CREBBP: variants seen among roughly 807,000 people sequenced by gnomAD.
CREBBP encodes CREB binding lysine acetyltransferase, also known as CREB-binding protein.
In CREBBP, 19 loss-of-function variants were observed where a neutral mutation model predicts 265.0. The ratio of observed to expected loss-of-function variants is 0.07; its 90% CI spans 0.05 to 0.11. CREBBP has a LOEUF of 0.11. Among genes scored for constraint, CREBBP ranks in the 10% least tolerant of loss-of-function variants. The pLI is 1.00. For missense variants in CREBBP, 2,525 were observed against 3,219.0 expected (o/e 0.78, Z 5.22); for synonymous variants, 1,457 against 1,223.7 (o/e 1.19, Z -3.98).
At chr16:3,788,713 A>C (rs2053442810) in intron 5 of CREBBP, among the ~76,000 whole-genome samples, 1 of 152,228 alleles carries the variant, frequency 6.6e-6, no homozygotes, top group South Asian at 2.1e-4. Context: ...GACTTTTGGG[A>C]GGTCAAGGTG....
chr16:3,738,445 A>G, intron 26 of CREBBP, 114 bp downstream of exon 26: 1 of 740,594 alleles, frequency 1.4e-6, no homozygotes, highest in East Asian at 2.7e-5. Context: ...AATTGATCTT[A>G]GGATGGAAAA....
intron 8 of CREBBP, 62 bp from the exon 9 acceptor site, chr16:3,778,879 G>T (rs1001970009): frequency 1.3e-6 from 2 of 1,488,838 alleles, no homozygotes; most frequent in Admixed American, 1.7e-5. Flanking sequence ...AAAGACATGG[G>T]GTTTCGTCCA....
At position 3,850,372 on chromosome 16, in the gene CREBBP, C is replaced by A; in HGVS notation, c.723G>T (p.Glu241Asp). 1 of 1,614,252 alleles carries A rather than the reference C, an allele frequency of 6.2e-7. No homozygotes were observed. The highest frequency in any genetic ancestry group is 1.1e-5 in the South Asian group (1 of 91,090). ...MQGASSSVLA[E>D]TLTQVSPQMT... ...TTTGCGGGGAAACCTGCGTTAGGGT[C>A]TCAGCCAGCACGCTGCTCGAGGCGC... Residue 241 changes from glutamate (E) to aspartate (D), a missense_variant, in exon 2 of 31, where the codon GAG (glutamate) becomes GAT (aspartate). Around this residue, in one of 19 missense-constraint regions of CREBBP, gnomAD observed 356 missense variants for 340.4 expected, o/e 1.05. Transcript: ENST00000262367.
At chr16:3,794,653 A>C (rs577745793) in intron 3 of CREBBP, among the ~76,000 whole-genome samples, 5 of 152,232 alleles carry the variant, frequency 3.3e-5, no homozygotes, top group Non-Finnish European at 5.9e-5. Flanking sequence ...AAAATACAGA[A>C]AGGGTTTGCT....
chr16:3,797,090 G>C lies in CREBBP; in HGVS notation c.976-3464C>G, dbSNP rs185078331. Among the ~76,000 whole-genome samples the C allele has an allele frequency of 1.4e-4, 21 of 152,262 alleles. No individual in the cohort carries two copies. In the East Asian group the frequency reaches 4.1e-3, roughly 29 times the overall value. On this transcript the variant is annotated intron_variant, in intron 3 of 30. Transcript: ENST00000262367. The stretch of plus-strand genomic sequence containing the variant: ...CCAAATCTGTCAGAAGCATCCTTCA[G>C]ACTTTCCCAACCTCCCTGCCCAGTT...
At chr16:3,809,522 C>G (rs887777472) in intron 3 of CREBBP, among the ~76,000 whole-genome samples, 1 of 152,140 alleles carries the variant, frequency 6.6e-6, no homozygotes, top group Admixed American at 6.5e-5. Context: ...GGAGCCAGCA[C>G]CTGACAGGAC....
chr16:3,736,028 G>T lies in CREBBP; in HGVS notation c.4728+8C>A, dbSNP rs201679455. 1.2e-6 allele frequency: 2 copies of T among 1,614,198 alleles called. No individual in the cohort carries two copies. The highest frequency in any genetic ancestry group is 1.6e-4 in the Middle Eastern group (1 of 6,062). ...CGTGGGCAATGGAGCTCAGAGAAGG[G>T]TCTGTACCTCAGTGGTTTCACTGGC... On this transcript the variant is annotated splice_region_variant and intron_variant, in intron 28 of 30. Coordinates refer to ENST00000262367, the MANE Select transcript of CREBBP (RefSeq NM_004380.3).
At chr16:3,807,561 A>G (rs1440886497) in intron 3 of CREBBP, among the ~76,000 whole-genome samples, 3 of 152,240 alleles carry the variant, frequency 2.0e-5, no homozygotes, top group African/African-American at 7.2e-5. Context: ...CAAACTGTGT[A>G]AGCACGGGCT....
intron 5 of CREBBP, among the ~76,000 whole-genome samples, chr16:3,790,614 T>C (rs1391242749): frequency 6.6e-6 from 1 of 152,016 alleles, no homozygotes; most frequent in Non-Finnish European, 1.5e-5. Flanking sequence ...CCTCCCAAAG[T>C]GTTGGGATTA....
intron 2 of CREBBP, among the ~76,000 whole-genome samples, chr16:3,811,790 G>A (rs2053942903): frequency 1.3e-5 from 2 of 152,190 alleles, no homozygotes; most frequent in East Asian, 1.9e-4. Context: ...CACCGTGCCC[G>A]GCCCCTTACG....
intron 3 of CREBBP, among the ~76,000 whole-genome samples, chr16:3,800,525 T>C (rs1005587427): frequency 6.6e-6 from 1 of 152,090 alleles, no homozygotes; most frequent in African/African-American, 2.4e-5. Flanking sequence ...AAAATTAACA[T>C]ATATGTGCCT....
At chr16:3,879,786 G>A (rs752635245) in intron 1 of CREBBP, 46 bp downstream of exon 1, 7 of 1,539,494 alleles carry the variant, frequency 4.5e-6, no homozygotes, top group African/African-American at 4.1e-5. Flanking sequence ...TCAGGTGGGG[G>A]TGACAGCGCG....
At chr16:3,830,189 G>A (rs146878082) in intron 2 of CREBBP, among the ~76,000 whole-genome samples, 1 of 152,134 alleles carries the variant, frequency 6.6e-6, no homozygotes, top group Non-Finnish European at 1.5e-5. Flanking sequence ...TTGAGCTCAG[G>A]AGTTTGAGAC....
rs755512058 is a variant in CREBBP at position 3,729,020 on chromosome 16, G to A, written c.6027C>T (p.Ser2009=). Reference sequence around the variant, plus strand: ...GAGGCATGCTGGGCATGACGGGCCCGCTCACCTGGTTGGGTCGGGGCACAT... The same window carrying A: ...GAGGCATGCTGGGCATGACGGGCCCACTCACCTGGTTGGGTCGGGGCACAT... ...SLNVPRPNQV[S]GPVMPSMPPG... is the part of the protein sequence containing the mutation. Residue 2009 remains serine (S), a synonymous_variant, in exon 31 of 31, where the codon AGC becomes AGT. Transcript: ENST00000262367. 35 of 1,591,014 alleles carry A rather than the reference G, an allele frequency of 2.2e-5. 1 individual carries two copies. The South Asian group carries it at 2.7e-4, about 12-fold the overall frequency.
rs2151340056 is a variant in CREBBP, at chr16:3,740,426, A to G, written c.4106T>C (p.Val1369Ala). The change falls in exon 24 of 31, where the codon GTG becomes GCG. Residue 1369 changes from valine (V) to alanine (A), a missense_variant. Transcript: ENST00000262367. ...VRVVASSDKT[V>A]EVKPGMKSRF... Reference sequence around the variant, plus strand: ...TGACTTCATCCCGGGCTTGACCTCCACCGTCTTGTCTGAGCTGGCCACCAC... The same window carrying G: ...TGACTTCATCCCGGGCTTGACCTCCGCCGTCTTGTCTGAGCTGGCCACCAC... The G allele has an allele frequency of 6.2e-7, 1 of 1,614,142 alleles. No individual in the cohort carries two copies. The highest frequency in any genetic ancestry group is 1.1e-5 in the South Asian group (1 of 91,078).
chr16:3,821,767 C>T lies in CREBBP; in HGVS notation c.799-10988G>A, dbSNP rs1456613651. ...AATCTTGGCTGGGCGTGGTGGCTCA[C>T]GCCTGTAATCCCAGCACTTTGAAAG... On this transcript the variant is annotated intron_variant, in intron 2 of 30. Transcript: ENST00000262367. Among the ~76,000 whole-genome samples, 5 of 152,288 alleles carry T rather than the reference C, an allele frequency of 3.3e-5. No individual in the cohort carries two copies. The East Asian group carries it at 5.8e-4, about 18-fold the overall frequency.
intron 3 of CREBBP, among the ~76,000 whole-genome samples, chr16:3,806,426 A>T (rs999242015): frequency 2.0e-5 from 3 of 151,814 alleles, no homozygotes; most frequent in Admixed American, 2.0e-4. Context: ...CTCAACTTTA[A>T]TGGTGAAGTC....
At chr16:3,801,670 A>G (rs941665659) in intron 3 of CREBBP, among the ~76,000 whole-genome samples, 5 of 151,058 alleles carry the variant, frequency 3.3e-5, no homozygotes, top group African/African-American at 7.3e-5. Context: ...CATTCTGTCT[A>G]AAAAAAAACA....
At chr16:3,851,181 G>C (rs552872079) in intron 1 of CREBBP, among the ~76,000 whole-genome samples, 172 bp from the exon 2 acceptor site, 1 of 151,314 alleles carries the variant, frequency 6.6e-6, no homozygotes, top group Non-Finnish European at 1.5e-5. Context: ...CCAGCTACTC[G>C]GGAGGCTAAG....
Sources: allele counts gnomAD v4.1 joint callset (sites outside exome capture counted in the v4.1 genomes callset), GRCh38; gene constraint gnomAD v4.1.1; regional missense constraint gnomAD v4.1.1; transcripts MANE v1.5; gene names NCBI Gene and HGNC (gene_info 2026-07-23, HGNC 2026-07-21).